Variants in PHF24 observed in about 807,000 individuals in gnomAD.
The protein encoded by PHF24 is Galpha inhibitory interacting protein.
Under a neutral mutation model 42.6 loss-of-function variants are expected in PHF24, and 25 were observed. That is an observed-to-expected ratio of 0.59 (90% confidence interval 0.43 to 0.82). The LOEUF (loss-of-function observed/expected upper bound fraction) is 0.82, where lower values mean the gene tolerates loss of function less well. Ranked by LOEUF, PHF24 falls within the 40% of genes least tolerant of loss-of-function variation. The pLI, the probability that PHF24 is intolerant of heterozygous loss-of-function variation, is 0.00. For synonymous variants in PHF24, 185 were observed against 204.8 expected, an observed-to-expected ratio of 0.90 and a Z score of 0.83; for missense variants, 470 against 538.1, an observed-to-expected ratio of 0.87 and a Z score of 1.25.
the PHF24 span, among the ~76,000 whole-genome samples, chr9:34,930,919 C>G: frequency 6.6e-6 from 1 of 152,104 alleles, no homozygotes. Flanking sequence ...AATCTCATGT[C>G]GAATTGTAAT....
chr9:34,932,979 G>A, the PHF24 span, among the ~76,000 whole-genome samples: 4 of 126,066 alleles, frequency 3.2e-5, no homozygotes, highest in Admixed American at 1.0e-4. Context: ...ATGAGAGCAG[G>A]AACTCTTTTT....
chr9:34,941,628 A>C, the PHF24 span, among the ~76,000 whole-genome samples: 1 of 152,186 alleles, frequency 6.6e-6, no homozygotes, highest in South Asian at 2.1e-4. Flanking sequence ...ACAGTTCTGG[A>C]GGCTGGGAAG....
chr9:34,888,327 G>A, the PHF24 span, among the ~76,000 whole-genome samples: 3 of 152,182 alleles, frequency 2.0e-5, no homozygotes, highest in African/African-American at 4.8e-5. Context: ...ATCGTTCACT[G>A]TTATCTCTGT....
chr9:34,692,035 T>C, the PHF24 span, among the ~76,000 whole-genome samples: 1 of 151,908 alleles, frequency 6.6e-6, no homozygotes, highest in African/African-American at 2.4e-5. Flanking sequence ...TTCAGACAAA[T>C]CTTAAAATTT....
the PHF24 span, chr9:34,729,137 T>C: frequency 9.9e-7 from 1 of 1,005,606 alleles, no homozygotes; most frequent in Non-Finnish European, 1.4e-6. Flanking sequence ...GGTAAGGAAT[T>C]ATAGTCTCTG....
At chr9:34,974,894 C>G (rs1346463662) in intron 3 of PHF24, among the ~76,000 whole-genome samples, 2 of 152,170 alleles carry the variant, frequency 1.3e-5, no homozygotes, top group African/African-American at 4.8e-5. Context: ...CCAGTTCAAT[C>G]TCTCCCTCAT....
the PHF24 span, among the ~76,000 whole-genome samples, chr9:34,943,659 G>C: frequency 1.3e-5 from 2 of 152,010 alleles, no homozygotes; most frequent in African/African-American, 4.8e-5. Context: ...AAAAACTAGG[G>C]GATTCATCAC....
the PHF24 span, among the ~76,000 whole-genome samples, chr9:34,924,821 TC>T: frequency 6.6e-6 from 1 of 152,208 alleles, no homozygotes; most frequent in Non-Finnish European, 1.5e-5. Context: ...TTATTTGTTT[TC>T]TGGTTGTTTT....
the PHF24 span, among the ~76,000 whole-genome samples, chr9:34,783,741 T>C: frequency 6.6e-6 from 1 of 152,248 alleles, no homozygotes; most frequent in African/African-American, 2.4e-5. Context: ...TTACAGAAAA[T>C]GTAATACTGC....
At chr9:34,704,576 G>A in the PHF24 span, among the ~76,000 whole-genome samples, 1 of 152,052 alleles carries the variant, frequency 6.6e-6, no homozygotes, top group Non-Finnish European at 1.5e-5. Context: ...GCTCACACCT[G>A]TAATCCCAGC....
chr9:34,669,322 T>G, the PHF24 span, among the ~76,000 whole-genome samples: 2 of 152,016 alleles, frequency 1.3e-5, no homozygotes, highest in Non-Finnish European at 2.9e-5. Context: ...CCCTGAGACC[T>G]GCACATTGAT....
chr9:34,697,581 A>G, the PHF24 span, among the ~76,000 whole-genome samples: 13 of 152,136 alleles, frequency 8.5e-5, no homozygotes, highest in Non-Finnish European at 1.8e-4. Flanking sequence ...CGGCCTCCCA[A>G]AGTACTGGGA....
At chr9:34,744,154 T>C in the PHF24 span, among the ~76,000 whole-genome samples, 16 of 152,280 alleles carry the variant, frequency 1.1e-4, no homozygotes, top group African/African-American at 3.6e-4. Context: ...TAGCACCCTG[T>C]TTCTCCTGAG....
chr9:34,667,967 T>G, the PHF24 span, among the ~76,000 whole-genome samples: 5 of 152,044 alleles, frequency 3.3e-5, no homozygotes, highest in Admixed American at 2.6e-4. Flanking sequence ...AGGAAGTGAT[T>G]GGGAGGGGAG....
chr9:34,973,491 T>C (rs1456119022), intron 3 of PHF24, among the ~76,000 whole-genome samples: 1 of 152,238 alleles, frequency 6.6e-6, no homozygotes, highest in Non-Finnish European at 1.5e-5. Flanking sequence ...CAGATTTATA[T>C]CCATTTCTCA....
chr9:34,821,046 C>G, the PHF24 span, among the ~76,000 whole-genome samples: 2 of 152,118 alleles, frequency 1.3e-5, no homozygotes, highest in Non-Finnish European at 2.9e-5. Context: ...TGAAAAGTGT[C>G]TGTTCATGTC....
the PHF24 span, chr9:34,832,227 T>C: frequency 2.3e-6 from 1 of 434,648 alleles, no homozygotes. Context: ...GCCTATAAAC[T>C]CTTTTTCATG....
chr9:34,805,415 G>T, the PHF24 span, among the ~76,000 whole-genome samples: 1 of 152,142 alleles, frequency 6.6e-6, no homozygotes. Flanking sequence ...AGTATGAAGT[G>T]GTCACCCACT....
chr9:34,838,534 C>A, the PHF24 span: 1 of 1,285,182 alleles, frequency 7.8e-7, no homozygotes. Context: ...ATCCCTCTAT[C>A]TCGGCATTCA....
Sources: allele counts gnomAD v4.1 joint callset (sites outside exome capture counted in the v4.1 genomes callset), GRCh38; gene constraint gnomAD v4.1.1; transcripts MANE v1.5; gene names NCBI Gene and HGNC (gene_info 2026-07-23, HGNC 2026-07-21).